Variants in FBF1 observed in about 807,000 individuals in gnomAD.
FBF1 encodes the protein fas-binding factor 1.
Under a neutral mutation model 147.2 loss-of-function variants are expected in FBF1, and 119 were observed. The ratio of observed to expected loss-of-function variants is 0.81; its 90% CI spans 0.70 to 0.94. FBF1 has a LOEUF of 0.94. FBF1 is among the 40% of genes least tolerant of loss of function. The pLI is 0.00. For missense variants in FBF1, 1,449 were observed against 1,500.8 expected (o/e 0.97, Z 0.57); for synonymous variants, 601 against 609.0 (o/e 0.99, Z 0.19).
chr17:75,920,148 T>G (rs1598154780), intron 18 of FBF1, 41 bp from the exon 19 acceptor site: 2 of 1,581,340 alleles, frequency 1.3e-6, no homozygotes, highest in Non-Finnish European at 1.7e-6. Flanking sequence ...GGAGGGGAGG[T>G]GGCTGTACTC....
In FBF1 at chr17:75,929,978, G is replaced by A. The variant is rs777247643; in HGVS notation, c.279+19C>T. On this transcript the variant is annotated intron_variant, in intron 7 of 29. Coordinates refer to ENST00000636174, the MANE Select transcript of FBF1 (RefSeq NM_001319193.2). ...CCACCCACCCCCAGTTCTAAGAATC[G>A]TGCAAGCTGTTTCCTTACCTTCATG... is the stretch of plus-strand genomic sequence containing the variant. 2.5e-5 allele frequency: 17 copies of A among 687,548 alleles called. No homozygotes were observed. Among genetic ancestry groups the A allele is most frequent in the East Asian group, 2.4e-4 (3 of 12,628 alleles). 42.6% of individuals were successfully genotyped at this position (687,548 alleles called of 1,614,324 possible). A position where few individuals can be genotyped will look rare whatever the true frequency, so the allele number is the denominator to read the frequency against.
chr17:75,914,265 G>A lies in FBF1; in HGVS notation c.2848C>T (p.Leu950Phe), dbSNP rs199551553. Reference sequence around the variant, plus strand: ...GCCAGCTGCTTCTCCTCGGCCCGGAGCTCGCTGGCCCTGATCTTCAGCTCA... The same window carrying A: ...GCCAGCTGCTTCTCCTCGGCCCGGAACTCGCTGGCCCTGATCTTCAGCTCA... ...QAELKIRASELRAEEKQLAAE... is the reference protein window; with the variant it reads ...QAELKIRASEFRAEEKQLAAE... Residue 950 changes from leucine (L) to phenylalanine (F), a missense_variant, in exon 26 of 30, where the codon CTC becomes TTC. Coordinates refer to ENST00000636174, the MANE Select transcript of FBF1 (RefSeq NM_001319193.2). 1,489 of 1,592,692 alleles carry A rather than the reference G, an allele frequency of 9.3e-4. No individual in the cohort carries two copies. The highest frequency in any genetic ancestry group is 1.2e-3 in the Non-Finnish European group (1,418 of 1,173,210).
chr17:75,930,122 GC>G, intron 6 of FBF1, 75 bp from the exon 7 acceptor site: 1 of 1,217,566 alleles, frequency 8.2e-7, no homozygotes. Flanking sequence ...CAGGGTCCTG[GC>G]CCCTTGCTTC....
rs1173449750 is a variant in FBF1, at chr17:75,910,164, G to A, written c.*559C>T. The A allele has an allele frequency of 2.4e-6, 1 of 412,668 alleles. No homozygotes were observed. Among genetic ancestry groups the A allele is most frequent in the East Asian group, 6.0e-5 (1 of 16,592 alleles). 25.6% of individuals were successfully genotyped at this position (412,668 alleles called of 1,614,324 possible). ...GGGGCTCTGGGCAAGCCCAGGAGGA[G>A]GAGGGCCTGGCTGAGTTCCAGGAAC... On this transcript the variant is annotated 3_prime_UTR_variant, in exon 30 of 30. Coordinates refer to ENST00000636174, the MANE Select transcript of FBF1 (RefSeq NM_001319193.2). The surrounding 1 kb of genome is among the most constrained non-coding windows in gnomAD (Gnocchi z 4.1).
chr17:75,929,945 A>AGGGCCCCCCCCCCCCCCCCC, intron 7 of FBF1, 52 bp downstream of exon 7: 3 of 650,888 alleles, frequency 4.6e-6, no homozygotes, highest in Non-Finnish European at 8.4e-6. Flanking sequence ...AAATATCATG[A>AGGGCCCCCCCCCCCCCCCCC]CCCCACCCCA....
chr17:75,921,480 G>A lies in FBF1; in HGVS notation c.1607C>T (p.Ser536Leu), dbSNP rs540051078. ...GCAAACAAAAAACAAACCAGTGGCT[G>A]AGAGGTCTCCAGGGGCTGTTCCCCT... is the stretch of plus-strand genomic sequence containing the variant. The part of the protein sequence containing the change: ...PKRGTAPGDL[S>L]ATEPATCFPS... The change falls in exon 16 of 30, where the codon TCA (serine) becomes TTA (leucine). Residue 536 changes from serine to leucine, a missense_variant. Transcript: ENST00000636174. The A allele has an allele frequency of 1.6e-5, 26 of 1,612,668 alleles. No individual in the cohort carries two copies. In the African/African-American group the frequency reaches 2.5e-4, roughly 16 times the overall value.
intron 6 of FBF1, 135 bp downstream of exon 6, chr17:75,931,094 C>G: frequency 1.1e-6 from 1 of 934,224 alleles, no homozygotes; most frequent in Non-Finnish European, 1.6e-6. Context: ...GACTCCATCT[C>G]AAAAAACAAA....
At chr17:75,930,705 A>G (rs913239210) in intron 6 of FBF1, among the ~76,000 whole-genome samples, 8 of 152,120 alleles carry the variant, frequency 5.3e-5, no homozygotes, top group South Asian at 4.1e-4. Context: ...GGGTGGATCA[A>G]GAGGTTAGGA....
chr17:75,936,813 C>T (rs1028017518), intron 3 of FBF1, among the ~76,000 whole-genome samples: 1 of 152,278 alleles, frequency 6.6e-6, no homozygotes. Flanking sequence ...CAGTGCAGCT[C>T]GCTGGGAAGA....
At chr17:75,929,795 A>G (rs1405975657) in intron 7 of FBF1, among the ~76,000 whole-genome samples, 1 of 152,164 alleles carries the variant, frequency 6.6e-6, no homozygotes, top group Non-Finnish European at 1.5e-5. Context: ...TCCACTCTCT[A>G]TATACCAGGA....
In FBF1 at chr17:75,910,576, G is replaced by T; in HGVS notation, c.*147C>A. ...CCGGGCTGGCACATTTGGAAAGGATGCACTTGCACCCTGTCCACGGAAGAG... is the reference window on the plus strand; with the variant it reads ...CCGGGCTGGCACATTTGGAAAGGATTCACTTGCACCCTGTCCACGGAAGAG... On this transcript the variant is annotated 3_prime_UTR_variant, in exon 30 of 30. Transcript: ENST00000636174. This position sits in a 1 kb window ranked among gnomAD's most constrained non-coding sequence, Gnocchi z 4.1. 1 of 674,220 alleles carries T rather than the reference G, an allele frequency of 1.5e-6. No individual in the cohort carries two copies. Among genetic ancestry groups the T allele is most frequent in the Non-Finnish European group, 2.5e-6 (1 of 398,142 alleles). The allele number at this position is 674,220 out of a possible 1,614,324, so 41.8% of individuals were successfully genotyped here. A position where few individuals can be genotyped will look rare whatever the true frequency, so the allele number is the denominator to read the frequency against.
At position 75,923,782 on chromosome 17, in the gene FBF1, C is replaced by T. The variant is rs1453827047; in HGVS notation, c.969-141G>A. On this transcript the variant is annotated intron_variant, in intron 13 of 29. Coordinates refer to ENST00000636174, the MANE Select transcript of FBF1 (RefSeq NM_001319193.2). This position sits in a 1 kb window ranked among gnomAD's most constrained non-coding sequence, Gnocchi z 4.1. The stretch of plus-strand genomic sequence containing the variant: ...CAGTGAGCAGTGGCTCCTGGACCGG[C>T]TCAGGTGGCAGGCCACGTGCTGTCT... The T allele has an allele frequency of 1.2e-6, 1 of 811,480 alleles. No homozygotes were observed. Among genetic ancestry groups the T allele is most frequent in the African/African-American group, 1.7e-5 (1 of 57,598 alleles). The allele number at this position is 811,480 out of a possible 1,614,324, so 50.3% of individuals were successfully genotyped here. A position where few individuals can be genotyped will look rare whatever the true frequency, so the allele number is the denominator to read the frequency against.
At chr17:75,929,831 AG>A (rs2065583296) in intron 7 of FBF1, among the ~76,000 whole-genome samples, 165 bp downstream of exon 7, 1 of 152,178 alleles carries the variant, frequency 6.6e-6, no homozygotes, top group African/African-American at 2.4e-5. Context: ...CAGAAAGGCA[AG>A]GAGGCCAACG....
rs376953918 is a variant in FBF1 at position 75,914,902 on chromosome 17, T to C, written c.2659A>G (p.Met887Val). Residue 887 changes from methionine to valine, a missense_variant, in exon 25 of 30, where the codon ATG becomes GTG. Met to Val is a conservative substitution (Grantham distance 21, BLOSUM62 1). Transcript: ENST00000636174. ...SALLEEQKSV[M>V]LKCGEERRRL... Reference sequence around the variant, plus strand: ...CGCCGCTCCTCCCCGCACTTGAGCATGACAGACTTCTGCTCCTCCAGCAAG... The same window carrying C: ...CGCCGCTCCTCCCCGCACTTGAGCACGACAGACTTCTGCTCCTCCAGCAAG... 4 of 1,611,626 alleles carry C rather than the reference T, an allele frequency of 2.5e-6. No individual in the cohort carries two copies. Among genetic ancestry groups the C allele is most frequent in the African/African-American group, 2.7e-5 (2 of 74,884 alleles).
intron 23 of FBF1, 64 bp downstream of exon 23, chr17:75,917,668 C>A: frequency 7.0e-7 from 1 of 1,429,680 alleles, no homozygotes; most frequent in Non-Finnish European, 9.5e-7. Flanking sequence ...GCTACACTTG[C>A]GGGTGCCCTG....
chr17:75,925,996 C>T lies in FBF1; in HGVS notation c.868+34G>A, dbSNP rs761935157. On this transcript the variant is annotated intron_variant, in intron 12 of 29. Coordinates refer to ENST00000636174, the MANE Select transcript of FBF1 (RefSeq NM_001319193.2). The surrounding 1 kb of genome is among the most constrained non-coding windows in gnomAD (Gnocchi z 5.0). ...GAAAGCCTGATCTAGAGGCCTCCCT[C>T]CCGTCCTGTTGCGGCCCCCGCAAGC... 1 of 1,576,826 alleles carries T rather than the reference C, an allele frequency of 6.3e-7. No homozygotes were observed. The highest frequency in any genetic ancestry group is 8.6e-7 in the Non-Finnish European group (1 of 1,160,442).
At chr17:75,920,526 G>A in intron 17 of FBF1, 97 bp from the exon 18 acceptor site, 20 of 1,307,282 alleles carry the variant, frequency 1.5e-5, no homozygotes, top group Non-Finnish European at 1.8e-5. Context: ...GGACCTCCCT[G>A]CATCTGATCT....
At chr17:75,939,185 A>G (rs2065644166) in intron 1 of FBF1, among the ~76,000 whole-genome samples, 1 of 151,422 alleles carries the variant, frequency 6.6e-6, no homozygotes, top group African/African-American at 2.4e-5. Flanking sequence ...AATCTCAGCT[A>G]CTCAGGAGGC....
chr17:75,913,381 CA>C (rs1189926083), intron 28 of FBF1: 1 of 224,540 alleles, frequency 4.5e-6, no homozygotes, highest in Non-Finnish European at 8.6e-6. Context: ...CTCCTGACCT[CA>C]GATGATCCGC....
Sources: gnomAD v4.1 joint callset for allele counts (sites outside exome capture counted in the v4.1 genomes callset) on GRCh38, gnomAD v4.1.1 for gene constraint, Gnocchi (gnomAD v3.1) non-coding constraint, MANE v1.5 for transcripts, NCBI Gene and HGNC (gene_info 2026-07-23, HGNC 2026-07-21) for gene names.